Variants in PTPRK observed in about 807,000 individuals in gnomAD.
PTPRK encodes the protein protein tyrosine phosphatase receptor type K.
In PTPRK, 75 loss-of-function variants were observed where a neutral mutation model predicts 178.0. The ratio of observed to expected loss-of-function variants is 0.42; its 90% confidence interval spans 0.35 to 0.51. PTPRK has a LOEUF of 0.51. Among genes scored for constraint, PTPRK ranks in the 20% least tolerant of loss-of-function variants. The pLI, the probability that PTPRK is intolerant of heterozygous loss-of-function variation, is 0.02. For synonymous variants in PTPRK, 637 were observed against 620.6 expected (o/e 1.03, Z -0.39); for missense variants, 1,441 against 1,797.8 (o/e 0.80, Z 3.59).
At chr6:128,072,388 T>C (rs1782983795) in intron 11 of PTPRK, among the ~76,000 whole-genome samples, 1 of 152,008 alleles carries the variant, frequency 6.6e-6, no homozygotes, top group African/African-American at 2.4e-5. Context: ...CTGAACAGCA[T>C]AGCTTAGCCT....
chr6:128,080,283 G>GA (rs1784585344), intron 10 of PTPRK, among the ~76,000 whole-genome samples: 1 of 151,852 alleles, frequency 6.6e-6, no homozygotes, highest in Non-Finnish European at 1.5e-5. Context: ...AGGATGGGAG[G>GA]AGTCATGCAA....
chr6:128,414,136 A>G (rs895323962), intron 1 of PTPRK, among the ~76,000 whole-genome samples: 2 of 152,206 alleles, frequency 1.3e-5, no homozygotes, highest in African/African-American at 4.8e-5. Context: ...AAATATACTT[A>G]TAATAGTAAA....
At chr6:128,226,016 C>T (rs550123924) in intron 5 of PTPRK, among the ~76,000 whole-genome samples, 1 of 152,096 alleles carries the variant, frequency 6.6e-6, no homozygotes, top group East Asian at 1.9e-4. Flanking sequence ...AGAGTTTCAC[C>T]CTAGGAAGCA....
intron 1 of PTPRK, among the ~76,000 whole-genome samples, chr6:128,413,947 C>G (rs952824835): frequency 6.6e-6 from 1 of 151,948 alleles, no homozygotes; most frequent in Non-Finnish European, 1.5e-5. Flanking sequence ...AAAAGACTAA[C>G]AGTAGTTAAT....
chr6:128,203,443 C>A (rs1281251593), intron 6 of PTPRK, among the ~76,000 whole-genome samples: 1 of 152,076 alleles, frequency 6.6e-6, no homozygotes, highest in Non-Finnish European at 1.5e-5. Flanking sequence ...TCAGGCAAGA[C>A]AAAGAAATAA....
chr6:128,343,753 G>A (rs1391830169), intron 2 of PTPRK, among the ~76,000 whole-genome samples: 2 of 152,074 alleles, frequency 1.3e-5, no homozygotes, highest in Non-Finnish European at 2.9e-5. Flanking sequence ...CATAAATTAC[G>A]TGAAACAGAG....
chr6:128,435,467 G>A (rs534734387), intron 1 of PTPRK, among the ~76,000 whole-genome samples: 1 of 152,098 alleles, frequency 6.6e-6, no homozygotes, highest in Non-Finnish European at 1.5e-5. Context: ...TTCTTGATAT[G>A]GAATTCATCT....
chr6:128,101,013 C>T (rs1433331559), intron 7 of PTPRK, among the ~76,000 whole-genome samples: 2 of 151,938 alleles, frequency 1.3e-5, no homozygotes, highest in African/African-American at 2.4e-5. Flanking sequence ...CACATAGAAA[C>T]GACAACCTAG....
intron 1 of PTPRK, among the ~76,000 whole-genome samples, chr6:128,466,282 C>T (rs1849835374): frequency 6.6e-6 from 1 of 152,170 alleles, no homozygotes; most frequent in Non-Finnish European, 1.5e-5. Flanking sequence ...AAAAAACACA[C>T]TGGATATACA....
chr6:127,980,685 C>T (rs1413146861), intron 25 of PTPRK, among the ~76,000 whole-genome samples: 1 of 152,050 alleles, frequency 6.6e-6, no homozygotes, highest in African/African-American at 2.4e-5. Flanking sequence ...TAATGGCCAA[C>T]AAATTAATTG....
chr6:128,234,497 C>T (rs1200298168), intron 5 of PTPRK, among the ~76,000 whole-genome samples: 1 of 152,174 alleles, frequency 6.6e-6, no homozygotes, highest in Non-Finnish European at 1.5e-5. Flanking sequence ...TTATTCCCCA[C>T]AGGCAACAAG....
intron 6 of PTPRK, among the ~76,000 whole-genome samples, chr6:128,185,278 C>T (rs1458899517): frequency 2.6e-5 from 4 of 152,108 alleles, no homozygotes; most frequent in Non-Finnish European, 4.4e-5. Context: ...AATCACTAAA[C>T]ATCACTGGTC....
At chr6:128,160,126 C>T (rs1007745844) in intron 7 of PTPRK, among the ~76,000 whole-genome samples, 1 of 151,584 alleles carries the variant, frequency 6.6e-6, no homozygotes, top group Non-Finnish European at 1.5e-5. Context: ...TATTTTCATA[C>T]TCTAACAAAT....
At chr6:128,176,968 T>C (rs1801168537) in intron 7 of PTPRK, among the ~76,000 whole-genome samples, 1 of 151,680 alleles carries the variant, frequency 6.6e-6, no homozygotes, top group Non-Finnish European at 1.5e-5. Flanking sequence ...GAGATTTCTT[T>C]CATATTTCAA....
chr6:128,042,870 G>A (rs1402577765), intron 13 of PTPRK, among the ~76,000 whole-genome samples: 3 of 151,946 alleles, frequency 2.0e-5, no homozygotes, highest in Non-Finnish European at 4.4e-5. Context: ...TTAAAATAAA[G>A]GTTGTGAGGG....
intron 7 of PTPRK, among the ~76,000 whole-genome samples, chr6:128,098,465 G>C (rs1218945598): frequency 2.6e-5 from 4 of 152,182 alleles, no homozygotes; most frequent in Middle Eastern, 3.4e-3. Flanking sequence ...ATGTGGAACA[G>C]AGCCAAGTTA....
chr6:128,186,084 C>A (rs946768346), intron 6 of PTPRK, among the ~76,000 whole-genome samples: 1 of 152,010 alleles, frequency 6.6e-6, no homozygotes, highest in Non-Finnish European at 1.5e-5. Context: ...CAAGAAGATT[C>A]TTTCAAAATT....
At chr6:127,982,417 C>G (rs1386162778) in intron 24 of PTPRK, among the ~76,000 whole-genome samples, 3 of 152,186 alleles carry the variant, frequency 2.0e-5, no homozygotes, top group Admixed American at 2.0e-4. Flanking sequence ...GGACTACAGG[C>G]ACCCGCCACC....
chr6:128,105,407 A>G (rs1424194011), intron 7 of PTPRK, among the ~76,000 whole-genome samples: 2 of 152,204 alleles, frequency 1.3e-5, no homozygotes, highest in Non-Finnish European at 2.9e-5. Context: ...TGCTGGGATT[A>G]CAGGCGTGAG....
Sources: allele counts gnomAD v4.1 joint callset (sites outside exome capture counted in the v4.1 genomes callset), GRCh38; gene constraint gnomAD v4.1.1; transcripts MANE v1.5; gene names NCBI Gene and HGNC (gene_info 2026-07-23, HGNC 2026-07-21).